DNAJC13: variants seen among roughly 807,000 people sequenced by gnomAD.
The protein encoded by DNAJC13 is dnaJ homolog subfamily C member 13.
A neutral mutation model predicts 290.5 loss-of-function variants in DNAJC13; 75 were observed. The observed-to-expected ratio is 0.26, with a 90% CI of 0.21 to 0.31. DNAJC13 has a LOEUF of 0.31. Among genes scored for constraint, DNAJC13 ranks in the 10% least tolerant of loss-of-function variants. The pLI is 1.00. For synonymous variants in DNAJC13, 862 were observed against 892.0 expected (o/e 0.97, Z 0.60); for missense variants, 2,260 against 2,674.5 (o/e 0.85, Z 3.42).
intron 54 of DNAJC13, among the ~76,000 whole-genome samples, chr3:132,528,965 G>A (rs546922921): frequency 1.3e-5 from 2 of 151,544 alleles, no homozygotes; most frequent in East Asian, 1.9e-4. Flanking sequence ...TTTAATTGAC[G>A]TGAAATTTAC....
intron 55 of DNAJC13, among the ~76,000 whole-genome samples, chr3:132,537,733 A>G (rs1169556739): frequency 1.3e-5 from 2 of 152,238 alleles, no homozygotes; most frequent in Non-Finnish European, 2.9e-5. Flanking sequence ...ATTTCTTTGC[A>G]CCAAATGAAA....
chr3:132,511,302 C>A (rs574285486), intron 44 of DNAJC13, 58 bp downstream of exon 44: 2 of 1,553,566 alleles, frequency 1.3e-6, no homozygotes, highest in Non-Finnish European at 1.7e-6. Context: ...CCTAAAAATT[C>A]CAATAATCAA....
intron 30 of DNAJC13, among the ~76,000 whole-genome samples, chr3:132,488,674 T>A (rs894890014): frequency 1.3e-5 from 2 of 152,176 alleles, no homozygotes; most frequent in Non-Finnish European, 2.9e-5. Context: ...TATCTAGTAT[T>A]TAAGTATGTA....
Position 132,528,268 on chromosome 3 carries a change from C to G in DNAJC13, c.6461C>G (p.Ala2154Gly). ...CTTGAAAACCTGGACAGCCCAGCAG[C>G]CACTAAGGCTCAGATTGTTAAAGCT... The part of the protein sequence containing the change: ...IGLENLDSPA[A>G]TKAQIVKALK... The change falls in exon 54 of 56, where the codon GCC (alanine) becomes GGC (glycine). Residue 2154 changes from alanine (A) to glycine (G), a missense_variant. Coordinates refer to ENST00000260818, the MANE Select transcript of DNAJC13 (RefSeq NM_015268.4). 6.2e-7 allele frequency: 1 copy of G among 1,614,158 alleles called. No individual in the cohort carries two copies. The highest frequency in any genetic ancestry group is 1.1e-5 in the South Asian group (1 of 91,078).
intron 46 of DNAJC13, among the ~76,000 whole-genome samples, chr3:132,515,828 A>G (rs1935903429): frequency 6.6e-6 from 1 of 152,204 alleles, no homozygotes; most frequent in Non-Finnish European, 1.5e-5. Context: ...AATACTTTGC[A>G]GCCTCTACCT....
At chr3:132,516,969 C>T (rs1237235855) in intron 48 of DNAJC13, among the ~76,000 whole-genome samples, 153 bp downstream of exon 48, 1 of 152,154 alleles carries the variant, frequency 6.6e-6, no homozygotes, top group Admixed American at 6.5e-5. Context: ...GGAATTGTTC[C>T]TATGTATTAC....
chr3:132,537,927 T>C (rs1315481153), intron 55 of DNAJC13, among the ~76,000 whole-genome samples: 1 of 152,260 alleles, frequency 6.6e-6, no homozygotes, highest in Non-Finnish European at 1.5e-5. Context: ...AAGAAAATTT[T>C]ATCCATATTT....
At chr3:132,483,229 G>A (rs746374202) in intron 27 of DNAJC13, 146 bp from the exon 28 acceptor site, 10 of 811,528 alleles carry the variant, frequency 1.2e-5, no homozygotes, top group Non-Finnish European at 1.9e-5. Context: ...GTTCCTAAAG[G>A]CCTGTCAACA....
At chr3:132,472,883 T>G (rs1559885187) in intron 20 of DNAJC13, among the ~76,000 whole-genome samples, 1 of 152,230 alleles carries the variant, frequency 6.6e-6, no homozygotes, top group East Asian at 1.9e-4. Context: ...TTTAACAAAA[T>G]TTGGTGTTGA....
Position 132,457,253 on chromosome 3 carries a change from T to C in DNAJC13, c.1350-16T>C, listed in dbSNP as rs760489011. 9.4e-6 allele frequency: 15 copies of C among 1,587,474 alleles called. No homozygotes were observed. The highest frequency in any genetic ancestry group is 2.3e-5 in the South Asian group (2 of 86,940). Reference sequence around the variant, plus strand: ...TTCTGGTATTGCTAGTATATGCTTGTTTTTTGTTCCAAAAGGTTTCGCGAG... The same window carrying C: ...TTCTGGTATTGCTAGTATATGCTTGCTTTTTGTTCCAAAAGGTTTCGCGAG... On this transcript the variant is annotated splice_polypyrimidine_tract_variant and intron_variant, in intron 12 of 55. Transcript: ENST00000260818.
At chr3:132,531,712 G>A (rs184376703) in intron 55 of DNAJC13, among the ~76,000 whole-genome samples, 180 of 152,084 alleles carry the variant, frequency 1.2e-3, no homozygotes, top group African/African-American at 4.2e-3. Flanking sequence ...CAGGAGAATG[G>A]TGGGAACCCG....
intron 14 of DNAJC13, among the ~76,000 whole-genome samples, chr3:132,460,772 C>G (rs767210390): frequency 6.6e-6 from 1 of 152,042 alleles, no homozygotes; most frequent in Non-Finnish European, 1.5e-5. Flanking sequence ...TTATTTTTTG[C>G]AAATATTAAC....
At chr3:132,451,429 G>C (rs1462959972) in intron 6 of DNAJC13, among the ~76,000 whole-genome samples, 1 of 152,178 alleles carries the variant, frequency 6.6e-6, no homozygotes, top group African/African-American at 2.4e-5. Flanking sequence ...TTCATTGCGT[G>C]TTTTTGTTCT....
intron 9 of DNAJC13, among the ~76,000 whole-genome samples, chr3:132,455,029 G>A (rs1230150345): frequency 6.6e-6 from 1 of 152,118 alleles, no homozygotes; most frequent in South Asian, 2.1e-4. Flanking sequence ...AAAAAAGGTT[G>A]TTAGTTAGAC....
chr3:132,496,404 A>T (rs1417844430), intron 35 of DNAJC13, 124 bp from the exon 36 acceptor site: 2 of 920,224 alleles, frequency 2.2e-6, no homozygotes, highest in African/African-American at 3.5e-5. Flanking sequence ...GTTGGAATGA[A>T]TACCTTAATA....
Position 132,447,306 on chromosome 3 carries a change from T to A in DNAJC13, c.145-15T>A. The stretch of plus-strand genomic sequence containing the variant: ...GTATTATAGTAGCACCAGTCAAAAT[T>A]TTTTTTTTTTTAAGTGGCCTTATGG... On this transcript the variant is annotated splice_polypyrimidine_tract_variant and intron_variant, in intron 3 of 55. Coordinates refer to ENST00000260818, the MANE Select transcript of DNAJC13 (RefSeq NM_015268.4). 1.4e-6 allele frequency: 2 copies of A among 1,416,212 alleles called. No individual in the cohort carries two copies. Among genetic ancestry groups the A allele is most frequent in the South Asian group, 1.4e-5 (1 of 71,456 alleles). 87.7% of individuals were successfully genotyped at this position (1,416,212 alleles called of 1,614,324 possible).
At position 132,502,355 on chromosome 3, in the gene DNAJC13, C is replaced by G. The variant is rs375437225; in HGVS notation, c.4603C>G (p.Gln1535Glu). The change falls in exon 40 of 56, where the codon CAG becomes GAG. Residue 1535 changes from glutamine (Q) to glutamate (E), a missense_variant. Physicochemically the swap from Gln to Glu is conservative, Grantham distance 29. Around this residue, in one of 3 missense-constraint regions of DNAJC13, gnomAD observed 1,494 missense variants for 1,693.7 expected, o/e 0.88. Transcript: ENST00000260818. Reference sequence around the variant, plus strand: ...TTCTTTTGCTGTGGATTTCTGGCTACAGACACACCTATTTCAGGCTGGAAT... The same window carrying G: ...TTCTTTTGCTGTGGATTTCTGGCTAGAGACACACCTATTTCAGGCTGGAAT... ...VSSFAVDFWL[Q>E]THLFQAGILW... is the part of the protein sequence containing the mutation. 2.0e-5 allele frequency: 33 copies of G among 1,613,642 alleles called. No homozygotes were observed. The highest frequency in any genetic ancestry group is 1.3e-4 in the Admixed American group (8 of 59,972).
intron 6 of DNAJC13, among the ~76,000 whole-genome samples, chr3:132,452,111 G>A (rs1290923188): frequency 2.6e-5 from 4 of 152,244 alleles, no homozygotes; most frequent in Admixed American, 2.0e-4. Flanking sequence ...ACAAGAATAT[G>A]GCCTGTCAGG....
intron 54 of DNAJC13, among the ~76,000 whole-genome samples, chr3:132,530,103 A>C (rs1393988943): frequency 1.3e-5 from 2 of 152,220 alleles, no homozygotes; most frequent in Non-Finnish European, 2.9e-5. Context: ...TACCAGCTTT[A>C]CAACTAATCA....
Sources: gnomAD v4.1 joint callset for allele counts (sites outside exome capture counted in the v4.1 genomes callset) on GRCh38, gnomAD v4.1.1 for gene constraint, gnomAD v4.1.1 regional missense constraint, MANE v1.5 for transcripts, NCBI Gene and HGNC (gene_info 2026-07-23, HGNC 2026-07-21) for gene names.